The following SYNDIG1 variants were observed in gnomAD, a reference collection of about 807,000 sequenced individuals.
The protein encoded by SYNDIG1 is synapse differentiation inducing 1.
In SYNDIG1, 9 loss-of-function variants were observed where a neutral mutation model predicts 19.4. That is an observed-to-expected ratio of 0.46 (90% CI 0.28 to 0.81). The LOEUF is 0.81. SYNDIG1 is among the 30% of genes least tolerant of loss of function. SYNDIG1 has a pLI of 0.12. For synonymous variants in SYNDIG1, 141 were observed against 145.9 expected, an observed-to-expected ratio of 0.97 and a Z score of 0.24; for missense variants, 311 against 343.3, an observed-to-expected ratio of 0.91 and a Z score of 0.74.
intron 2 of SYNDIG1, among the ~76,000 whole-genome samples, chr20:24,577,298 T>G (rs1413612134): frequency 6.6e-6 from 1 of 152,162 alleles, no homozygotes; most frequent in Non-Finnish European, 1.5e-5. Flanking sequence ...AGAAGCCTGG[T>G]GCAGAGAGGA....
chr20:24,586,572 C>T (rs1338394889), intron 3 of SYNDIG1, among the ~76,000 whole-genome samples: 2 of 152,240 alleles, frequency 1.3e-5, no homozygotes, highest in East Asian at 1.9e-4. Flanking sequence ...TAGACAAGAG[C>T]AGTCTTGCAA....
intron 2 of SYNDIG1, among the ~76,000 whole-genome samples, chr20:24,578,962 G>C (rs1301127719): frequency 6.6e-6 from 1 of 152,232 alleles, no homozygotes; most frequent in Non-Finnish European, 1.5e-5. Context: ...TCGAGAGTGA[G>C]AGTGGCCGGC....
At chr20:24,576,752 C>A (rs1343362517) in intron 2 of SYNDIG1, among the ~76,000 whole-genome samples, 1 of 152,164 alleles carries the variant, frequency 6.6e-6, no homozygotes, top group Admixed American at 6.5e-5. Context: ...GCCTCAGGCC[C>A]TGACGCCTCC....
intron 3 of SYNDIG1, among the ~76,000 whole-genome samples, chr20:24,606,731 G>C (rs1289982931): frequency 1.3e-5 from 2 of 152,158 alleles, no homozygotes; most frequent in Admixed American, 1.3e-4. Context: ...CCCATCCCTG[G>C]GGTTATGTAG....
chr20:24,529,836 A>ATGGTGGTGG (rs2057205615), intron 1 of SYNDIG1, among the ~76,000 whole-genome samples: 1 of 151,068 alleles, frequency 6.6e-6, no homozygotes, highest in Admixed American at 6.6e-5. Flanking sequence ...GGGGATGGTG[A>ATGGTGGTGG]CGGTGGTACT....
rs147653528 is a variant in SYNDIG1 at position 24,593,648 on chromosome 20, T to G, written c.618+8655T>G. The stretch of plus-strand genomic sequence containing the variant: ...TAAAATGGCTGAACTAATTTACACT[T>G]CCACCAGCAGTGTAAAAGCATTCCC... On this transcript the variant is annotated intron_variant, in intron 3 of 3. Coordinates refer to ENST00000376862, the MANE Select transcript of SYNDIG1 (RefSeq NM_024893.3). Among the ~76,000 whole-genome samples, 714 of 152,312 alleles carry G rather than the reference T, an allele frequency of 4.7e-3. 2 individuals carry two copies. The highest frequency in any genetic ancestry group is 7.2e-3 in the Non-Finnish European group (490 of 68,006).
rs1250394968 is a variant in SYNDIG1, at chr20:24,584,939, C to A, written c.564C>A (p.Ser188=). Residue 188 remains serine, a synonymous_variant, in exon 3 of 4, where the codon TCC becomes TCA. Transcript: ENST00000376862. ...PRDHLGLSVF[S]MLCCFWPLGI... ...ACCACCTGGGCCTCAGTGTCTTCTC[C>A]ATGCTCTGCTGCTTCTGGCCTCTGG... 2 of 1,614,022 alleles carry A rather than the reference C, an allele frequency of 1.2e-6. No individual in the cohort carries two copies. The highest frequency in any genetic ancestry group is 2.2e-5 in the South Asian group (2 of 91,068).
At chr20:24,571,566 A>G (rs974621138) in intron 2 of SYNDIG1, among the ~76,000 whole-genome samples, 2 of 152,168 alleles carry the variant, frequency 1.3e-5, no homozygotes, top group African/African-American at 4.8e-5. Context: ...ATATGAAGTC[A>G]TGTTTAATGA....
chr20:24,539,263 G>T (rs1038835439), intron 1 of SYNDIG1, among the ~76,000 whole-genome samples: 1 of 152,022 alleles, frequency 6.6e-6, no homozygotes, highest in Non-Finnish European at 1.5e-5. Context: ...ATTTGGGATT[G>T]GTTTTTGAAT....
intron 1 of SYNDIG1, among the ~76,000 whole-genome samples, chr20:24,471,512 C>CA (rs2055456619): frequency 6.7e-6 from 1 of 149,968 alleles, no homozygotes; most frequent in South Asian, 2.1e-4. Context: ...TTGCAAGGAG[C>CA]AAGCCTGACA....
intron 2 of SYNDIG1, among the ~76,000 whole-genome samples, chr20:24,551,475 C>T (rs2057705188): frequency 6.6e-6 from 1 of 151,758 alleles, no homozygotes; most frequent in Non-Finnish European, 1.5e-5. Flanking sequence ...TTTAGTTTTC[C>T]ATTTTATTAA....
intron 3 of SYNDIG1, among the ~76,000 whole-genome samples, chr20:24,599,803 GGAAAGATA>G (rs2058651239): frequency 6.6e-6 from 1 of 152,228 alleles, no homozygotes; most frequent in Non-Finnish European, 1.5e-5. Flanking sequence ...GATAGAGAGT[GGAAAGATA>G]GATAACAGAG....
intron 3 of SYNDIG1, among the ~76,000 whole-genome samples, chr20:24,617,320 G>A (rs747561689): frequency 5.3e-5 from 8 of 152,072 alleles, no homozygotes; most frequent in Non-Finnish European, 1.0e-4. Context: ...GCCCCATCAG[G>A]ACACCCTCCT....
intron 3 of SYNDIG1, among the ~76,000 whole-genome samples, chr20:24,620,446 C>T (rs944606811): frequency 9.9e-5 from 15 of 152,184 alleles, no homozygotes; most frequent in African/African-American, 3.6e-4. Context: ...ACAAGCCATC[C>T]ATAGGAGGCC....
chr20:24,593,636 C>T (rs530517857), intron 3 of SYNDIG1, among the ~76,000 whole-genome samples: 10 of 152,214 alleles, frequency 6.6e-5, no homozygotes, highest in Non-Finnish European at 1.5e-4. Context: ...AATGGCTGAA[C>T]TAATTTACAC....
At position 24,521,441 on chromosome 20, in the gene SYNDIG1, GTTGAATCT is replaced by G. The variant is rs796334882; in HGVS notation, c.-78-21574_-78-21567del. On this transcript the variant is annotated intron_variant, in intron 1 of 3. Transcript: ENST00000376862. ...AATGGCTGCTGTATGGTAACTCAGT[GTTGAATCT>G]TTGAGGACCCACCGTCTTGTCTTCC... Among the ~76,000 whole-genome samples the G allele has an allele frequency of 1.6e-4, 24 of 152,146 alleles. 1 individual carries two copies. Among genetic ancestry groups the G allele is most frequent in the African/African-American group, 5.8e-4 (24 of 41,512 alleles).
chr20:24,499,714 G>T (rs552104167), intron 1 of SYNDIG1, among the ~76,000 whole-genome samples: 1 of 152,182 alleles, frequency 6.6e-6, no homozygotes, highest in Non-Finnish European at 1.5e-5. Flanking sequence ...TGCCCTGCCC[G>T]GGTAGAGGCT....
At chr20:24,596,660 T>C (rs1243982151) in intron 3 of SYNDIG1, among the ~76,000 whole-genome samples, 2 of 152,228 alleles carry the variant, frequency 1.3e-5, no homozygotes, top group Admixed American at 1.3e-4. Context: ...ATTACAGGCA[T>C]GAGCCACCGG....
At chr20:24,652,047 A>T (rs1280691496) in intron 3 of SYNDIG1, among the ~76,000 whole-genome samples, 1 of 152,174 alleles carries the variant, frequency 6.6e-6, no homozygotes, top group Non-Finnish European at 1.5e-5. Flanking sequence ...AAATTATGAG[A>T]CAGAAAAAAA....
Sources: gnomAD v4.1 joint callset for allele counts (sites outside exome capture counted in the v4.1 genomes callset) on GRCh38, gnomAD v4.1.1 for gene constraint, MANE v1.5 for transcripts, NCBI Gene and HGNC (gene_info 2026-07-23, HGNC 2026-07-21) for gene names.